Variants in EPM2A observed in about 807,000 individuals in gnomAD.
The protein encoded by EPM2A is EPM2A glucan phosphatase, laforin.
Under a neutral mutation model 26.5 loss-of-function variants are expected in EPM2A, and 21 were observed. The ratio of observed to expected loss-of-function variants is 0.79; its 90% CI spans 0.56 to 1.14. The LOEUF is 1.14. Ranked by LOEUF, EPM2A falls within the 50% of genes most tolerant of loss-of-function variation. The pLI, the probability that EPM2A is intolerant of heterozygous loss-of-function variation, is 0.00. For missense variants in EPM2A, 458 were observed against 440.8 expected, an observed-to-expected ratio of 1.04 and a Z score of -0.35; for synonymous variants, 217 against 177.6, an observed-to-expected ratio of 1.22 and a Z score of -1.76.
At chr6:145,525,401 C>T (rs1197674059) in intron 2 of EPM2A, among the ~76,000 whole-genome samples, 3 of 149,916 alleles carry the variant, frequency 2.0e-5, no homozygotes, top group African/African-American at 7.4e-5. Context: ...GGCAGTATGT[C>T]CATTTTAATG....
chr6:145,488,888 C>T (rs1047545352), intron 4 of EPM2A, among the ~76,000 whole-genome samples: 1 of 152,082 alleles, frequency 6.6e-6, no homozygotes, highest in African/African-American at 2.4e-5. Context: ...AATAAAATTT[C>T]TTAACCGAAC....
chr6:145,396,003 G>C (rs1022164254), intron 4 of EPM2A, among the ~76,000 whole-genome samples: 1 of 152,136 alleles, frequency 6.6e-6, no homozygotes, highest in African/African-American at 2.4e-5. Flanking sequence ...CAGCAGACAT[G>C]CCTTCAGAGT....
chr6:145,450,812 T>A (rs1779186918), intron 4 of EPM2A, among the ~76,000 whole-genome samples: 1 of 152,184 alleles, frequency 6.6e-6, no homozygotes, highest in African/African-American at 2.4e-5. Flanking sequence ...CTGGAATAAC[T>A]ATAGATGAAC....
intron 1 of EPM2A, among the ~76,000 whole-genome samples, chr6:145,717,463 T>C (rs1432193120): frequency 1.3e-5 from 2 of 152,184 alleles, no homozygotes; most frequent in African/African-American, 2.4e-5. Flanking sequence ...TGATGGGACG[T>C]ATCTCAAAAT....
chr6:145,404,194 T>C (rs1222911319), intron 4 of EPM2A, among the ~76,000 whole-genome samples: 1 of 152,080 alleles, frequency 6.6e-6, no homozygotes, highest in Admixed American at 6.6e-5. Context: ...AGTTTGCAAA[T>C]ATTTTCTCCC....
intron 2 of EPM2A, among the ~76,000 whole-genome samples, chr6:145,601,197 A>C (rs1302461117): frequency 6.6e-6 from 1 of 152,210 alleles, no homozygotes; most frequent in Non-Finnish European, 1.5e-5. Flanking sequence ...TCTTTTGATT[A>C]AACCCTGAAT....
intron 2 of EPM2A, among the ~76,000 whole-genome samples, chr6:145,604,565 AAAT>A (rs1368998960): frequency 6.6e-6 from 1 of 152,134 alleles, no homozygotes; most frequent in Non-Finnish European, 1.5e-5. Context: ...TATTAACATG[AAAT>A]AATGTTTTCC....
chr6:145,603,279 TA>T (rs35392511), intron 2 of EPM2A, among the ~76,000 whole-genome samples: 8,967 of 145,900 alleles, frequency 0.061, 772 homozygotes, highest in African/African-American at 0.19. Context: ...ATCTCTAAAT[TA>T]AAAAAAAAAA....
At chr6:145,579,164 T>TAAA (rs35430622) in intron 2 of EPM2A, among the ~76,000 whole-genome samples, 1 of 151,772 alleles carries the variant, frequency 6.6e-6, no homozygotes, top group Non-Finnish European at 1.5e-5. Flanking sequence ...ATAATAATAA[T>TAAA]AAAAGAAAAA....
At chr6:145,597,361 G>A (rs1238048453) in intron 2 of EPM2A, among the ~76,000 whole-genome samples, 1 of 152,072 alleles carries the variant, frequency 6.6e-6, no homozygotes, top group Non-Finnish European at 1.5e-5. Context: ...ATTTGGCTAA[G>A]CCTATAATTA....
At chr6:145,553,849 GTATATAA>G (rs1365447930) in intron 2 of EPM2A, among the ~76,000 whole-genome samples, 1 of 146,224 alleles carries the variant, frequency 6.8e-6, no homozygotes, top group African/African-American at 2.5e-5. Flanking sequence ...TAATATATAT[GTATATAA>G]ATACATATAT....
At chr6:145,583,290 T>A (rs545737537) in intron 2 of EPM2A, among the ~76,000 whole-genome samples, 1 of 152,340 alleles carries the variant, frequency 6.6e-6, no homozygotes, top group African/African-American at 2.4e-5. Context: ...TGGGCTGATG[T>A]TCCCTCAGTC....
intron 2 of EPM2A, among the ~76,000 whole-genome samples, chr6:145,665,385 C>A (rs1438452638): frequency 5.0e-4 from 43 of 86,510 alleles, no homozygotes; most frequent in African/African-American, 2.1e-3. Context: ...ACTACAAACA[C>A]CTCTACGCAA....
intron 1 of EPM2A, among the ~76,000 whole-genome samples, chr6:145,733,409 A>G (rs985896870): frequency 6.6e-6 from 1 of 152,156 alleles, no homozygotes; most frequent in Non-Finnish European, 1.5e-5. Flanking sequence ...GTAGGTGTCA[A>G]TATCTATTGC....
chr6:145,565,437 T>A (rs117511118), intron 2 of EPM2A, among the ~76,000 whole-genome samples: 1 of 151,364 alleles, frequency 6.6e-6, no homozygotes, highest in South Asian at 2.1e-4. Flanking sequence ...CTTTAGGTAG[T>A]AAAAAAAAAT....
rs1055850170 is a variant in EPM2A at position 145,734,857 on chromosome 6, G to C, written c.301+341C>G. On this transcript the variant is annotated intron_variant, in intron 1 of 3. Coordinates refer to ENST00000367519, the MANE Select transcript of EPM2A (RefSeq NM_005670.4). Reference sequence around the variant, plus strand: ...AAGGGAGCCCCGGGCGGGAGACGAAGGGCACTGGCCCGTGACGCAGGCGCG... The same window carrying C: ...AAGGGAGCCCCGGGCGGGAGACGAACGGCACTGGCCCGTGACGCAGGCGCG... The C allele has an allele frequency of 2.5e-5, 4 of 162,536 alleles. No individual in the cohort carries two copies. The Admixed American group carries it at 2.6e-4, about 10-fold the overall frequency. 10.1% of individuals were successfully genotyped at this position (162,536 alleles called of 1,614,324 possible).
intron 4 of EPM2A, among the ~76,000 whole-genome samples, chr6:145,484,765 T>C (rs7746796): frequency 0.07 from 10,608 of 151,666 alleles, 1,075 homozygotes; most frequent in African/African-American, 0.22. Context: ...TTTATGAGAC[T>C]TTAAAGAAGA....
chr6:145,580,549 A>G (rs1781099319), intron 2 of EPM2A, among the ~76,000 whole-genome samples: 1 of 152,104 alleles, frequency 6.6e-6, no homozygotes, highest in African/African-American at 2.4e-5. Flanking sequence ...TCAAGGGTAC[A>G]GGCACAGGTT....
intron 2 of EPM2A, among the ~76,000 whole-genome samples, chr6:145,532,028 C>A (rs778233051): frequency 6.6e-6 from 1 of 152,302 alleles, no homozygotes; most frequent in Non-Finnish European, 1.5e-5. Flanking sequence ...ACACATCAAA[C>A]TGAAGTGCCA....
Sources: allele counts gnomAD v4.1 joint callset (sites outside exome capture counted in the v4.1 genomes callset), GRCh38; gene constraint gnomAD v4.1.1; transcripts MANE v1.5; gene names NCBI Gene and HGNC (gene_info 2026-07-23, HGNC 2026-07-21).